The following TGM3 variants were observed in gnomAD, a reference collection of about 807,000 sequenced individuals.
TGM3 encodes the protein transglutaminase 3.
A neutral mutation model predicts 73.8 loss-of-function variants in TGM3; 52 were observed. The ratio of observed to expected loss-of-function variants is 0.70; its 90% CI spans 0.56 to 0.89. TGM3 has a LOEUF of 0.89. Among genes scored for constraint, TGM3 ranks in the 40% least tolerant of loss-of-function variants. The probability of loss-of-function intolerance (pLI) is 0.00; values close to 1 mark genes in which losing one functional copy is unlikely to be tolerated. For synonymous variants in TGM3, 372 were observed against 354.9 expected, an observed-to-expected ratio of 1.05 and a Z score of -0.54; for missense variants, 928 against 909.9, an observed-to-expected ratio of 1.02 and a Z score of -0.26.
Position 2,335,103 on chromosome 20 carries a change from C to T in TGM3, c.1643-13C>T, listed in dbSNP as rs971027234. 2 of 1,614,066 alleles carry T rather than the reference C, an allele frequency of 1.2e-6. No homozygotes were observed. Among genetic ancestry groups the T allele is most frequent in the Non-Finnish European group, 1.7e-6 (2 of 1,179,896 alleles). On this transcript the variant is annotated splice_polypyrimidine_tract_variant and intron_variant, in intron 10 of 12. Coordinates refer to ENST00000381458, the MANE Select transcript of TGM3 (RefSeq NM_003245.4). Reference sequence around the variant, plus strand: ...ACTCCCCCTCACTCGGATCCCCTGGCTTCTCCTTCCAGAGGCAGAACATCC... The same window carrying T: ...ACTCCCCCTCACTCGGATCCCCTGGTTTCTCCTTCCAGAGGCAGAACATCC...
At chr20:2,340,042 C>T (rs980594248) in intron 12 of TGM3, 55 bp downstream of exon 12, 46 of 1,503,646 alleles carry the variant, frequency 3.1e-5, no homozygotes, top group Admixed American at 2.0e-5. Flanking sequence ...GCGGGGGGGC[C>T]CTCCAGATCC....
intron 10 of TGM3, 100 bp from the exon 11 acceptor site, chr20:2,335,016 C>A: frequency 2.1e-6 from 3 of 1,461,380 alleles, no homozygotes; most frequent in South Asian, 2.5e-5. Flanking sequence ...TGCAGATCCT[C>A]CCACCAGCTC....
Position 2,340,653 on chromosome 20 carries a change from C to T in TGM3, c.*72C>T. 2 of 1,595,742 alleles carry T rather than the reference C, an allele frequency of 1.3e-6. No homozygotes were observed. The highest frequency in any genetic ancestry group is 1.7e-6 in the Non-Finnish European group (2 of 1,167,018). ...GAGAGCTCACCATGGAATGAACCCCCCGCCCATGCTGTCCGGCCTGGGAAA... is the reference window on the plus strand; with the variant it reads ...GAGAGCTCACCATGGAATGAACCCCTCGCCCATGCTGTCCGGCCTGGGAAA... On this transcript the variant is annotated 3_prime_UTR_variant, in exon 13 of 13. Transcript: ENST00000381458.
intron 1 of TGM3, among the ~76,000 whole-genome samples, chr20:2,306,707 C>A (rs2084178389): frequency 6.6e-6 from 1 of 152,096 alleles, no homozygotes; most frequent in African/African-American, 2.4e-5. Context: ...AAACTCCTGA[C>A]CTCAAATGAT....
rs558542439 is a variant in TGM3, at chr20:2,335,416, C to T, written c.1800+143C>T. On this transcript the variant is annotated intron_variant, in intron 11 of 12. Transcript: ENST00000381458. ...TGCTGGGAGGGGCAGAGAACTGGGC[C>T]CAGCTTCGGTCCAGCCTCTGCCAAA... 66 of 1,040,990 alleles carry T rather than the reference C, an allele frequency of 6.3e-5. No individual in the cohort carries two copies. The African/African-American group carries it at 1.0e-3, about 17-fold the overall frequency. The allele number at this position is 1,040,990 out of a possible 1,614,324, so 64.5% of individuals were successfully genotyped here. A position where few individuals can be genotyped will look rare whatever the true frequency, so the allele number is the denominator to read the frequency against.
chr20:2,299,305 G>C (rs2084129252), intron 1 of TGM3, among the ~76,000 whole-genome samples: 1 of 152,012 alleles, frequency 6.6e-6, no homozygotes, highest in Non-Finnish European at 1.5e-5. Flanking sequence ...TTCTAATCAG[G>C]GGCGATTCCC....
intron 11 of TGM3, among the ~76,000 whole-genome samples, chr20:2,337,732 T>A (rs928203519): frequency 3.3e-5 from 5 of 151,300 alleles, no homozygotes; most frequent in African/African-American, 1.2e-4. Context: ...AAAAAAAAAA[T>A]TAGTGTTTTT....
In TGM3 at chr20:2,328,152, G is replaced by T. The variant is rs1267286900; in HGVS notation, c.1120G>T (p.Gly374Cys). 38 of 1,614,026 alleles carry T rather than the reference G, an allele frequency of 2.4e-5. No individual in the cohort carries two copies. Among genetic ancestry groups the T allele is most frequent in the Non-Finnish European group, 2.7e-5 (32 of 1,180,026 alleles). Residue 374 changes from glycine (G) to cysteine (C), a missense_variant, in exon 9 of 13, where the codon GGT becomes TGT. Coordinates refer to ENST00000381458, the MANE Select transcript of TGM3 (RefSeq NM_003245.4). The surrounding 1 kb of genome is among the most constrained non-coding windows in gnomAD (Gnocchi z 5.2). ...CCAGTGCGGCCCCGCTTCGGTCATT[G>T]GTGTTCGAGAGGGTGATGTGCAGCT... ...VFQCGPASVI[G>C]VREGDVQLNF...
At chr20:2,307,031 G>C (rs1287652181) in intron 1 of TGM3, among the ~76,000 whole-genome samples, 2 of 151,998 alleles carry the variant, frequency 1.3e-5, no homozygotes, top group Admixed American at 6.6e-5. Flanking sequence ...TGTCCTTTCT[G>C]TCCTCCCTTA....
At chr20:2,335,326 C>G (rs2084343930) in intron 11 of TGM3, 53 bp downstream of exon 11, 3 of 1,603,740 alleles carry the variant, frequency 1.9e-6, no homozygotes, top group Non-Finnish European at 8.5e-7. Flanking sequence ...GCCAGCCCAG[C>G]TCCCAGGAGC....
rs771981966 is a variant in TGM3, at chr20:2,335,148, C to T, written c.1675C>T (p.Gln559Ter). The change falls in exon 11 of 13, where the codon CAG becomes TAG. Residue 559 changes from glutamine to a stop codon, truncating the protein, a stop_gained. Coordinates refer to ENST00000381458, the MANE Select transcript of TGM3 (RefSeq NM_003245.4). LOFTEE classifies it high-confidence loss of function. ...ACATCCCATAAAGATCTCGTACGCT[C>T]AGTATGAGAAGTACCTGAAGTCAGA... The part of the protein sequence containing the change: ...AEHPIKISYA[Q>*]YEKYLKSDNM... 4 of 1,614,238 alleles carry T rather than the reference C, an allele frequency of 2.5e-6. No homozygotes were observed. Among genetic ancestry groups the T allele is most frequent in the Non-Finnish European group, 1.7e-6 (2 of 1,180,048 alleles).
At chr20:2,321,543 C>T (rs747695394) in intron 7 of TGM3, among the ~76,000 whole-genome samples, 2 of 152,118 alleles carry the variant, frequency 1.3e-5, no homozygotes, top group African/African-American at 4.8e-5. Flanking sequence ...AAGCATAGCT[C>T]AGTTGGTGTC....
Position 2,311,998 on chromosome 20 carries a change from A to G in TGM3, c.540+869A>G, listed in dbSNP as rs185363568. The stretch of plus-strand genomic sequence containing the variant: ...CTCGGCCTTCTCAGTTTGAGAAGCA[A>G]TGACTTCAATTAAGTCTTATTTTGT... On this transcript the variant is annotated intron_variant, in intron 4 of 12. Coordinates refer to ENST00000381458, the MANE Select transcript of TGM3 (RefSeq NM_003245.4). Among the ~76,000 whole-genome samples the G allele has an allele frequency of 1.3e-3, 200 of 152,352 alleles. 1 individual carries two copies. Among genetic ancestry groups the G allele is most frequent in the Admixed American group, 0.013 (200 of 15,300 alleles).
intron 1 of TGM3, among the ~76,000 whole-genome samples, chr20:2,301,711 T>C (rs2084149222): frequency 6.6e-6 from 1 of 152,096 alleles, no homozygotes; most frequent in South Asian, 2.1e-4. Flanking sequence ...TTTAGCATTT[T>C]TTTTTTTGAG....
chr20:2,335,804 GAC>G (rs1005232133), intron 11 of TGM3, among the ~76,000 whole-genome samples: 2 of 152,144 alleles, frequency 1.3e-5, no homozygotes, highest in Non-Finnish European at 2.9e-5. Context: ...CCCCTGTCTA[GAC>G]CCTGGAGTTA....
At chr20:2,315,302 C>T (rs188531413) in intron 5 of TGM3, among the ~76,000 whole-genome samples, 138 of 152,296 alleles carry the variant, frequency 9.1e-4, no homozygotes, top group Middle Eastern at 3.4e-3. Flanking sequence ...ATGGCCTGTG[C>T]GGAGCTTTGA....
At chr20:2,323,891 A>G (rs1251742338) in intron 7 of TGM3, among the ~76,000 whole-genome samples, 1 of 152,160 alleles carries the variant, frequency 6.6e-6, no homozygotes, top group East Asian at 1.9e-4. Context: ...GCTCGTTGCT[A>G]TTTATGGGCA....
intron 1 of TGM3, among the ~76,000 whole-genome samples, chr20:2,301,365 C>A (rs2084146538): frequency 6.7e-6 from 1 of 149,554 alleles, no homozygotes; most frequent in Non-Finnish European, 1.5e-5. Flanking sequence ...TGCTTCAACT[C>A]CGTGACTTCC....
chr20:2,317,405 T>G lies in TGM3; in HGVS notation c.903T>G (p.His301Gln). 6.2e-7 allele frequency: 1 copy of G among 1,614,214 alleles called. No homozygotes were observed. ...SRVITNFNSA[H>Q]DTDRNLSVDV... is the part of the protein sequence containing the mutation. ...TGATCACCAACTTCAACTCAGCTCA[T>G]GACACAGACCGAAATCTCAGTGTGG... Residue 301 changes from histidine (H) to glutamine (Q), a missense_variant, in exon 7 of 13, where the codon CAT becomes CAG. Coordinates refer to ENST00000381458, the MANE Select transcript of TGM3 (RefSeq NM_003245.4).
Sources: allele counts gnomAD v4.1 joint callset (sites outside exome capture counted in the v4.1 genomes callset), GRCh38; gene constraint gnomAD v4.1.1; non-coding constraint Gnocchi (gnomAD v3.1); transcripts MANE v1.5; gene names NCBI Gene and HGNC (gene_info 2026-07-23, HGNC 2026-07-21).